Variants in KIAA1671 observed in about 807,000 individuals in gnomAD.
KIAA1671 encodes uncharacterized protein KIAA1671.
Under a neutral mutation model 131.2 loss-of-function variants are expected in KIAA1671, and 52 were observed. The ratio of observed to expected loss-of-function variants is 0.40; its 90% CI spans 0.32 to 0.50. The LOEUF (loss-of-function observed/expected upper bound fraction) is 0.50. Among genes scored for constraint, KIAA1671 ranks in the 20% least tolerant of loss-of-function variants. The pLI is 0.73. For synonymous variants in KIAA1671, 1,003 were observed against 961.6 expected, an observed-to-expected ratio of 1.04 and a Z score of -0.80; for missense variants, 2,360 against 2,364.2, an observed-to-expected ratio of 1.00 and a Z score of 0.04.
At chr22:25,138,028 C>T (rs564823114) in intron 6 of KIAA1671, among the ~76,000 whole-genome samples, 2 of 152,342 alleles carry the variant, frequency 1.3e-5, no homozygotes, top group East Asian at 3.9e-4. Flanking sequence ...TTTTCTTGTG[C>T]TTGTCTAAAA....
chr22:25,182,532 CA>C (rs1478357981), intron 10 of KIAA1671, among the ~76,000 whole-genome samples: 1 of 152,158 alleles, frequency 6.6e-6, no homozygotes, highest in Non-Finnish European at 1.5e-5. Flanking sequence ...ACCCTTCACT[CA>C]GCTTCACCCA....
rs1436483170 is a variant in KIAA1671 at position 25,130,664 on chromosome 22, TC to T, written c.4531-40155del. Among the ~76,000 whole-genome samples the T allele has an allele frequency of 1.3e-5, 2 of 152,196 alleles. 1 individual carries two copies. The highest frequency in any genetic ancestry group is 4.8e-5 in the African/African-American group (2 of 41,444). ...AGGAATCGTAAACATCTAGATGAGT[TC>T]TACACTCCCTGCTTCCTTGGTGTCT... On this transcript the variant is annotated intron_variant, in intron 6 of 12. Coordinates refer to ENST00000358431, the MANE Select transcript of KIAA1671 (RefSeq NM_001145206.2).
At chr22:25,177,664 T>C in intron 9 of KIAA1671, 142 bp downstream of exon 9, 1 of 684,152 alleles carries the variant, frequency 1.5e-6, no homozygotes, top group Non-Finnish European at 2.4e-6. Context: ...TTTTTTTTCA[T>C]GTCTTAAACA....
At chr22:25,183,455 TCCCTCCCTCTCTTC>T (rs1934361802) in intron 10 of KIAA1671, among the ~76,000 whole-genome samples, 3 of 61,840 alleles carry the variant, frequency 4.9e-5, no homozygotes, top group African/African-American at 6.9e-5. Flanking sequence ...CCTCCCTCCC[TCCCTCCCTCTCTTC>T]CTTCCTTCCT....
At chr22:25,159,086 C>G (rs1427357044) in intron 6 of KIAA1671, among the ~76,000 whole-genome samples, 1 of 152,100 alleles carries the variant, frequency 6.6e-6, no homozygotes. Flanking sequence ...TAGGGGAACC[C>G]TGCCTCTGAG....
chr22:25,053,512 C>G (rs1209862389), intron 6 of KIAA1671: 1 of 152,206 alleles, frequency 6.6e-6, no homozygotes, highest in Non-Finnish European at 1.5e-5. Context: ...CTGGTAGTCT[C>G]TAGAATTTTC....
chr22:25,008,917 G>A (rs1042846239), intron 1 of KIAA1671, among the ~76,000 whole-genome samples: 1 of 152,252 alleles, frequency 6.6e-6, no homozygotes, highest in Non-Finnish European at 1.5e-5. Context: ...GCAGTGCCAG[G>A]CCCTGATGCA....
At chr22:24,982,330 T>C (rs1440266344) in intron 1 of KIAA1671, among the ~76,000 whole-genome samples, 7 of 152,214 alleles carry the variant, frequency 4.6e-5, no homozygotes, top group Non-Finnish European at 1.0e-4. Context: ...GGGCTAGAAG[T>C]GGCCTTACTC....
intron 1 of KIAA1671, among the ~76,000 whole-genome samples, chr22:24,960,480 A>AGTGTT (rs1001888441): frequency 7.0e-6 from 1 of 142,314 alleles, no homozygotes; most frequent in Non-Finnish European, 1.5e-5. Flanking sequence ...CAGGGAGGCG[A>AGTGTT]GTGTTGCAGT....
chr22:25,101,771 A>C (rs949218619), intron 6 of KIAA1671, among the ~76,000 whole-genome samples: 2 of 152,140 alleles, frequency 1.3e-5, no homozygotes, highest in Non-Finnish European at 2.9e-5. Context: ...CATCTCACAC[A>C]GTGGGTACGA....
At chr22:25,030,005 T>C (rs1439464619) in intron 3 of KIAA1671, among the ~76,000 whole-genome samples, 1 of 152,234 alleles carries the variant, frequency 6.6e-6, no homozygotes, top group Non-Finnish European at 1.5e-5. Flanking sequence ...CAAGGTAACT[T>C]GGGCTAGTCA....
intron 6 of KIAA1671, among the ~76,000 whole-genome samples, chr22:25,098,364 G>A (rs532892097): frequency 6.6e-6 from 1 of 151,998 alleles, no homozygotes; most frequent in East Asian, 1.9e-4. Flanking sequence ...AAGACTTACC[G>A]AATGCCTCCA....
At chr22:25,051,746 C>T (rs1193323259) in intron 6 of KIAA1671, 1 of 152,218 alleles carries the variant, frequency 6.6e-6, no homozygotes, top group Non-Finnish European at 1.5e-5. Context: ...TGGTGGCTGT[C>T]CCTGCTCCTC....
At chr22:24,977,985 A>G (rs1365805530) in intron 1 of KIAA1671, among the ~76,000 whole-genome samples, 1 of 152,178 alleles carries the variant, frequency 6.6e-6, no homozygotes, top group Admixed American at 6.5e-5. Context: ...GCAGGAAATG[A>G]TCATGGCCAC....
Position 25,040,988 on chromosome 22 carries a change from A to G in KIAA1671, c.3858A>G (p.Thr1286=), listed in dbSNP as rs1490958139. ...LGKQLAETLE[T]AMGTKSSPPF... is the part of the protein sequence containing the mutation. ...AGCAGCTGGCAGAGACCTTGGAGACAGCCATGGGCACCAAATCTAGCCCTC... is the reference window on the plus strand; with the variant it reads ...AGCAGCTGGCAGAGACCTTGGAGACGGCCATGGGCACCAAATCTAGCCCTC... Residue 1286 remains threonine, a synonymous_variant, in exon 5 of 13, where the codon ACA becomes ACG. Transcript: ENST00000358431. The G allele has an allele frequency of 2.7e-6, 4 of 1,474,514 alleles. No individual in the cohort carries two copies. The highest frequency in any genetic ancestry group is 2.7e-6 in the Non-Finnish European group (3 of 1,112,420). 91.3% of individuals were successfully genotyped at this position (1,474,514 alleles called of 1,614,324 possible).
Position 24,960,312 on chromosome 22 carries a change from C to T in KIAA1671, c.-208+7540C>T, listed in dbSNP as rs533771136. Among the ~76,000 whole-genome samples, 59 of 151,282 alleles carry T rather than the reference C, an allele frequency of 3.9e-4. 2 individuals are homozygous for T. In the South Asian group the frequency reaches 0.01, roughly 26 times the overall value. On this transcript the variant is annotated intron_variant, in intron 1 of 12. Coordinates refer to ENST00000358431, the MANE Select transcript of KIAA1671 (RefSeq NM_001145206.2). The stretch of plus-strand genomic sequence containing the variant: ...GGGCCTGTAATCCCAGCACTTTAGG[C>T]GGCCGGGCGGATCACTTGAGGTCAG...
At chr22:24,956,727 C>A (rs1329194233) in intron 1 of KIAA1671, among the ~76,000 whole-genome samples, 3 of 152,092 alleles carry the variant, frequency 2.0e-5, no homozygotes, top group Non-Finnish European at 4.4e-5. Flanking sequence ...AAAAAATTAG[C>A]CGGGCGTGGT....
chr22:24,991,611 C>A (rs1420128573), intron 1 of KIAA1671, among the ~76,000 whole-genome samples: 3 of 147,074 alleles, frequency 2.0e-5, no homozygotes, highest in East Asian at 4.1e-4. Context: ...CACGTGCCAC[C>A]ACGCCCGGCT....
intron 6 of KIAA1671, among the ~76,000 whole-genome samples, chr22:25,107,972 C>T (rs1931113122): frequency 6.6e-6 from 1 of 152,116 alleles, no homozygotes; most frequent in Non-Finnish European, 1.5e-5. Flanking sequence ...CACGCCATTG[C>T]ACTCCAGCCT....
Sources: allele counts gnomAD v4.1 joint callset (sites outside exome capture counted in the v4.1 genomes callset), GRCh38; gene constraint gnomAD v4.1.1; transcripts MANE v1.5; gene names NCBI Gene and HGNC (gene_info 2026-07-23, HGNC 2026-07-21).